The following PLEKHD1 variants were observed in gnomAD, a reference collection of about 807,000 sequenced individuals.
PLEKHD1 encodes pleckstrin homology domain-containing family D member 1.
PLEKHD1 carries 51 observed loss-of-function variants against 69.2 expected under a neutral mutation model. The ratio of observed to expected loss-of-function variants is 0.74; its 90% CI spans 0.59 to 0.93. The LOEUF (loss-of-function observed/expected upper bound fraction) is 0.93, where lower values mean the gene tolerates loss of function less well. PLEKHD1 is among the 40% of genes least tolerant of loss of function. The pLI is 0.00. For missense variants in PLEKHD1, 584 were observed against 641.0 expected, an observed-to-expected ratio of 0.91 and a Z score of 0.96; for synonymous variants, 236 against 244.7, an observed-to-expected ratio of 0.96 and a Z score of 0.33.
intron 5 of PLEKHD1, 61 bp from the exon 6 acceptor site, chr14:69,502,766 A>G: frequency 6.5e-7 from 1 of 1,546,956 alleles, no homozygotes; most frequent in Non-Finnish European, 8.7e-7. Flanking sequence ...CAGCTCCCTC[A>G]GGACCTCAGA....
At chr14:69,504,538 T>C (rs887094259) in intron 6 of PLEKHD1, among the ~76,000 whole-genome samples, 7 of 151,340 alleles carry the variant, frequency 4.6e-5, no homozygotes, top group Non-Finnish European at 1.0e-4. Context: ...TCTTGGTAAA[T>C]GTTTGTGGAA....
Position 69,528,650 on chromosome 14 carries a change from G to T in PLEKHD1, c.*231G>T. 1.7e-6 allele frequency: 1 copy of T among 591,288 alleles called. No individual in the cohort carries two copies. The highest frequency in any genetic ancestry group is 2.9e-5 in the East Asian group (1 of 34,310). The allele number at this position is 591,288 out of a possible 1,614,324, so 36.6% of individuals were successfully genotyped here. ...TTGGGTCCACACCAGGGCCATGCAG[G>T]CCTGAGCTGGGTGCTGGTTGTCATG... On this transcript the variant is annotated 3_prime_UTR_variant, in exon 13 of 13. Coordinates refer to ENST00000322564, the MANE Select transcript of PLEKHD1 (RefSeq NM_001161498.2).
intron 6 of PLEKHD1, among the ~76,000 whole-genome samples, chr14:69,504,063 C>G (rs1457092768): frequency 6.6e-6 from 1 of 152,126 alleles, no homozygotes. Context: ...TTCTCCAAAT[C>G]TTCTTATCTG....
chr14:69,498,103 TTTA>T (rs149154375), intron 1 of PLEKHD1, among the ~76,000 whole-genome samples: 1 of 144,046 alleles, frequency 6.9e-6, no homozygotes, highest in African/African-American at 2.8e-5. Flanking sequence ...TTTATTTTAT[TTTA>T]GAGAGTCTTG....
At chr14:69,497,407 G>A (rs528666589) in intron 1 of PLEKHD1, among the ~76,000 whole-genome samples, 141 of 152,380 alleles carry the variant, frequency 9.3e-4, no homozygotes, top group African/African-American at 3.2e-3. Context: ...CCCTCCAGGA[G>A]CCTGATGCCC....
chr14:69,523,089 T>C (rs1883558438), intron 7 of PLEKHD1, among the ~76,000 whole-genome samples: 1 of 152,136 alleles, frequency 6.6e-6, no homozygotes, highest in African/African-American at 2.4e-5. Flanking sequence ...TGTGCCACCA[T>C]GCTTGGCTAA....
chr14:69,509,266 T>C (rs1292181096), intron 6 of PLEKHD1, among the ~76,000 whole-genome samples: 1 of 152,228 alleles, frequency 6.6e-6, no homozygotes, highest in Admixed American at 6.5e-5. Context: ...AACAGTCCTT[T>C]ATTAGATGTG....
At chr14:69,478,933 G>A in the PLEKHD1 span, among the ~76,000 whole-genome samples, 1 of 152,180 alleles carries the variant, frequency 6.6e-6, no homozygotes, top group South Asian at 2.1e-4. Context: ...AAACTTTTGA[G>A]TGCGGACAGG....
chr14:69,526,601 G>A, intron 9 of PLEKHD1, 96 bp from the exon 10 acceptor site: 1 of 1,378,618 alleles, frequency 7.3e-7, no homozygotes, highest in Non-Finnish European at 9.5e-7. Flanking sequence ...GGGATTCAAG[G>A]TTTCTCCAGC....
At chr14:69,499,977 T>G in intron 1 of PLEKHD1, 138 bp from the exon 2 acceptor site, 5 of 637,346 alleles carry the variant, frequency 7.8e-6, no homozygotes, top group Non-Finnish European at 1.1e-5. Context: ...GTGTGGAGCT[T>G]GAGTTGGTAA....
In PLEKHD1 at chr14:69,527,898, C is replaced by T. The variant is rs770470579; in HGVS notation, c.1317C>T (p.Phe439=). Residue 439 remains phenylalanine, a synonymous_variant, in exon 12 of 13, where the codon TTC becomes TTT. Transcript: ENST00000322564. The part of the protein sequence containing the change: ...AATRRIKSCR[F]HRRRSSTSWN... Reference sequence around the variant, plus strand: ...CTCGCCGCATCAAGAGCTGCCGCTTCCACCGACGCCGGTCCAGCACCTCCT... The same window carrying T: ...CTCGCCGCATCAAGAGCTGCCGCTTTCACCGACGCCGGTCCAGCACCTCCT... 119 of 1,551,496 alleles carry T rather than the reference C, an allele frequency of 7.7e-5. No homozygotes were observed. The highest frequency in any genetic ancestry group is 9.7e-5 in the Non-Finnish European group (111 of 1,147,018).
At chr14:69,470,196 C>T in the PLEKHD1 span, among the ~76,000 whole-genome samples, 1 of 151,938 alleles carries the variant, frequency 6.6e-6, no homozygotes. Flanking sequence ...GGCACAGTGG[C>T]TCATGCCTGT....
At chr14:69,495,318 C>T (rs1206911905) in intron 1 of PLEKHD1, among the ~76,000 whole-genome samples, 1 of 152,170 alleles carries the variant, frequency 6.6e-6, no homozygotes, top group Non-Finnish European at 1.5e-5. Flanking sequence ...CCTGCCTTTA[C>T]CCTGACAATC....
intron 6 of PLEKHD1, among the ~76,000 whole-genome samples, chr14:69,513,716 G>A (rs758423215): frequency 2.6e-5 from 4 of 152,112 alleles, no homozygotes; most frequent in Non-Finnish European, 5.9e-5. Flanking sequence ...GTAGATATGA[G>A]TTTCTGACCT....
chr14:69,526,866 T>A lies in PLEKHD1; in HGVS notation c.1056+37T>A, dbSNP rs781430706. 7 of 1,491,224 alleles carry A rather than the reference T, an allele frequency of 4.7e-6. No homozygotes were observed. The South Asian group carries it at 9.3e-5, about 20-fold the overall frequency. 92.4% of individuals were successfully genotyped at this position (1,491,224 alleles called of 1,614,324 possible). On this transcript the variant is annotated intron_variant, in intron 10 of 12. Coordinates refer to ENST00000322564, the MANE Select transcript of PLEKHD1 (RefSeq NM_001161498.2). The stretch of plus-strand genomic sequence containing the variant: ...CCTGCTGGTGCCAGGGCCCTTCCCC[T>A]TCCCTGGAGACTCCCCTTCCACCCC...
the PLEKHD1 span, among the ~76,000 whole-genome samples, chr14:69,476,378 GA>G: frequency 6.7e-6 from 1 of 150,298 alleles, no homozygotes; most frequent in Non-Finnish European, 1.5e-5. Flanking sequence ...AACATAGCAA[GA>G]TCCCTAGGCC....
chr14:69,498,305 C>T (rs567555768), intron 1 of PLEKHD1, among the ~76,000 whole-genome samples: 11 of 152,096 alleles, frequency 7.2e-5, no homozygotes, highest in Middle Eastern at 3.4e-3. Flanking sequence ...TCTCAAACTC[C>T]TGACTTCAAG....
intron 6 of PLEKHD1, among the ~76,000 whole-genome samples, chr14:69,504,396 T>C (rs1883106021): frequency 6.6e-6 from 1 of 152,150 alleles, no homozygotes; most frequent in Admixed American, 6.5e-5. Flanking sequence ...AACTTGACTC[T>C]TAGGAAGTCC....
the PLEKHD1 span, among the ~76,000 whole-genome samples, chr14:69,478,250 C>T: frequency 6.6e-6 from 1 of 152,202 alleles, no homozygotes; most frequent in Non-Finnish European, 1.5e-5. Flanking sequence ...GCACCAAGTC[C>T]CTAGGCTGCA....
Sources: allele counts gnomAD v4.1 joint callset (sites outside exome capture counted in the v4.1 genomes callset), GRCh38; gene constraint gnomAD v4.1.1; transcripts MANE v1.5; gene names NCBI Gene and HGNC (gene_info 2026-07-23, HGNC 2026-07-21).